Variants in ZNF407 observed in about 807,000 individuals in gnomAD.
ZNF407 encodes the protein zinc finger protein 407.
A neutral mutation model predicts 131.2 loss-of-function variants in ZNF407; 17 were observed. That is an observed-to-expected ratio of 0.13 (90% CI 0.09 to 0.19). The LOEUF is 0.19. ZNF407 is among the 10% of genes least tolerant of loss of function. The pLI is 1.00. For missense variants in ZNF407, 2,681 were observed against 2,830.6 expected (o/e 0.95, Z 1.20); for synonymous variants, 1,156 against 1,062.0 (o/e 1.09, Z -1.72).
chr18:74,964,707 A>T (rs1347668058), intron 8 of ZNF407, among the ~76,000 whole-genome samples: 1 of 149,470 alleles, frequency 6.7e-6, no homozygotes, highest in Admixed American at 6.7e-5. Flanking sequence ...ACATACATTT[A>T]ATTTCATTTG....
At chr18:74,887,525 A>G (rs1401378030) in intron 6 of ZNF407, among the ~76,000 whole-genome samples, 2 of 152,094 alleles carry the variant, frequency 1.3e-5, no homozygotes, top group Non-Finnish European at 2.9e-5. Context: ...TCTTTATGTC[A>G]TATTCAGTAA....
At chr18:74,806,565 G>A (rs964735361) in intron 4 of ZNF407, among the ~76,000 whole-genome samples, 6 of 152,090 alleles carry the variant, frequency 3.9e-5, no homozygotes, top group African/African-American at 9.7e-5. Flanking sequence ...ACTGTTGTGA[G>A]GATCAAACAA....
At chr18:74,793,965 A>G (rs1045768348) in intron 4 of ZNF407, among the ~76,000 whole-genome samples, 1 of 152,192 alleles carries the variant, frequency 6.6e-6, no homozygotes, top group Non-Finnish European at 1.5e-5. Context: ...CCAGGGCTTC[A>G]TCAAGCTCCC....
intron 8 of ZNF407, among the ~76,000 whole-genome samples, chr18:75,043,996 A>T (rs981380617): frequency 2.0e-5 from 3 of 152,190 alleles, no homozygotes; most frequent in Non-Finnish European, 2.9e-5. Context: ...AATTACCTTT[A>T]ATTTTTGGTA....
chr18:74,730,638 T>G (rs1968273004), intron 3 of ZNF407, among the ~76,000 whole-genome samples: 1 of 152,250 alleles, frequency 6.6e-6, no homozygotes, highest in South Asian at 2.1e-4. Context: ...TTGATTACAC[T>G]TAATGGGTTT....
At chr18:74,988,266 A>G (rs1972676859) in intron 8 of ZNF407, among the ~76,000 whole-genome samples, 1 of 152,216 alleles carries the variant, frequency 6.6e-6, no homozygotes, top group Admixed American at 6.5e-5. Flanking sequence ...AAATGGATCA[A>G]AAGCCTAAAT....
chr18:74,924,792 A>G (rs557436293), intron 8 of ZNF407, among the ~76,000 whole-genome samples: 6 of 152,246 alleles, frequency 3.9e-5, no homozygotes, highest in African/African-American at 1.4e-4. Context: ...GATTGTGCCT[A>G]AGAAGAAAGA....
At chr18:75,058,714 G>A (rs1304686840) in intron 8 of ZNF407, among the ~76,000 whole-genome samples, 1 of 152,190 alleles carries the variant, frequency 6.6e-6, no homozygotes, top group Non-Finnish European at 1.5e-5. Flanking sequence ...TTTGCATTTG[G>A]TGAGCTTTAC....
At chr18:74,619,835 A>T (rs906989647) in intron 1 of ZNF407, among the ~76,000 whole-genome samples, 7 of 152,182 alleles carry the variant, frequency 4.6e-5, no homozygotes, top group Non-Finnish European at 7.3e-5. Context: ...ATTCATTATA[A>T]TGTCTTTAGT....
In ZNF407 at chr18:75,063,246, A is replaced by T; in HGVS notation, c.5525A>T (p.Glu1842Val). The T allele has an allele frequency of 1.2e-6, 2 of 1,613,564 alleles. No individual in the cohort carries two copies. The highest frequency in any genetic ancestry group is 1.7e-6 in the Non-Finnish European group (2 of 1,179,876). ...SPFTAAALAE[E>V]PLVKEKPLRS... is the part of the protein sequence containing the mutation. The stretch of plus-strand genomic sequence containing the variant: ...TTCACCGCGGCGGCCTTGGCAGAAG[A>T]GCCCCTCGTCAAGGAGAAGCCCCTC... The change falls in exon 9 of 9, where the codon GAG becomes GTG. Residue 1842 changes from glutamate (E) to valine (V), a missense_variant. This residue lies in a region of ZNF407 where 620 missense variants were observed against 583.1 expected (regional missense o/e 1.06). Coordinates refer to ENST00000299687, the MANE Select transcript of ZNF407 (RefSeq NM_017757.3). This position sits in a 1 kb window ranked among gnomAD's most constrained non-coding sequence, Gnocchi z 6.6.
chr18:74,598,987 G>T (rs941786832), intron 1 of ZNF407, among the ~76,000 whole-genome samples: 4 of 152,196 alleles, frequency 2.6e-5, no homozygotes, highest in Non-Finnish European at 5.9e-5. Context: ...TTACAGCTTT[G>T]CAGTCTATGC....
At chr18:74,864,042 TA>T (rs1253900573) in intron 4 of ZNF407, among the ~76,000 whole-genome samples, 1 of 152,228 alleles carries the variant, frequency 6.6e-6, no homozygotes, top group Non-Finnish European at 1.5e-5. Flanking sequence ...TGAGGATAAT[TA>T]AATAGCATTT....
chr18:74,933,003 ACGTAGAATTAC>A (rs1468166530), intron 8 of ZNF407, among the ~76,000 whole-genome samples: 1 of 152,184 alleles, frequency 6.6e-6, no homozygotes, highest in Admixed American at 6.5e-5. Context: ...CAAGAATGAA[ACGTAGAATTAC>A]CGTATTATCC....
At chr18:74,881,462 G>T (rs924719027) in intron 6 of ZNF407, among the ~76,000 whole-genome samples, 15 of 152,076 alleles carry the variant, frequency 9.9e-5, no homozygotes, top group African/African-American at 3.6e-4. Flanking sequence ...AAAATGGGGA[G>T]TCTTTGTCAA....
chr18:74,787,783 T>G (rs1969747893), intron 4 of ZNF407, among the ~76,000 whole-genome samples: 1 of 152,218 alleles, frequency 6.6e-6, no homozygotes, highest in Non-Finnish European at 1.5e-5. Context: ...TTCGTTTTCT[T>G]CCTTTCGTAA....
chr18:74,713,236 A>G (rs943969951), intron 3 of ZNF407, among the ~76,000 whole-genome samples: 2 of 152,210 alleles, frequency 1.3e-5, no homozygotes, highest in Non-Finnish European at 2.9e-5. Flanking sequence ...AGGAACTCCA[A>G]GACTCCTCCA....
intron 4 of ZNF407, among the ~76,000 whole-genome samples, chr18:74,865,381 A>G (rs1485724211): frequency 6.6e-6 from 1 of 152,226 alleles, no homozygotes; most frequent in Admixed American, 6.5e-5. Context: ...TTCCTTGCCC[A>G]TAATTGAAAA....
chr18:74,692,539 G>A (rs1176970128), intron 3 of ZNF407, among the ~76,000 whole-genome samples: 4 of 152,068 alleles, frequency 2.6e-5, no homozygotes, highest in Non-Finnish European at 5.9e-5. Flanking sequence ...GAGCCTCGTG[G>A]ATGGGGCCTT....
chr18:74,709,435 T>G (rs184911447), intron 3 of ZNF407, among the ~76,000 whole-genome samples: 94 of 152,328 alleles, frequency 6.2e-4, no homozygotes, highest in Non-Finnish European at 1.0e-3. Context: ...ATCTGTAATA[T>G]CTGATTACTT....
Sources: allele counts gnomAD v4.1 joint callset (sites outside exome capture counted in the v4.1 genomes callset), GRCh38; gene constraint gnomAD v4.1.1; regional missense constraint gnomAD v4.1.1; non-coding constraint Gnocchi (gnomAD v3.1); transcripts MANE v1.5; gene names NCBI Gene and HGNC (gene_info 2026-07-23, HGNC 2026-07-21).